Variants in CCDC93 observed in about 807,000 individuals in gnomAD.
CCDC93 encodes coiled-coil domain-containing protein 93.
A neutral mutation model predicts 108.2 loss-of-function variants in CCDC93; 61 were observed. That is an observed-to-expected ratio of 0.56 (90% CI 0.46 to 0.70). The LOEUF (loss-of-function observed/expected upper bound fraction) is 0.70, where lower values mean the gene tolerates loss of function less well. Ranked by LOEUF, CCDC93 falls within the 30% of genes least tolerant of loss-of-function variation. The pLI is 0.00. For synonymous variants in CCDC93, 276 were observed against 260.4 expected (o/e 1.06, Z -0.58); for missense variants, 685 against 764.2 (o/e 0.90, Z 1.22).
At chr2:117,945,603 T>C (rs1168782402) in intron 16 of CCDC93, 21 bp from the exon 17 acceptor site, 6 of 1,608,014 alleles carry the variant, frequency 3.7e-6, no homozygotes, top group Admixed American at 3.3e-5. Context: ...GAAAACATAA[T>C]AAACACCTCT....
At chr2:117,975,125 G>C in intron 9 of CCDC93, 63 bp downstream of exon 9, 2 of 1,415,422 alleles carry the variant, frequency 1.4e-6, no homozygotes, top group Admixed American at 1.7e-5. Flanking sequence ...CTAGGGATAA[G>C]AGTACGATTT....
intron 12 of CCDC93, among the ~76,000 whole-genome samples, chr2:117,953,565 T>C (rs1679126120): frequency 6.6e-6 from 1 of 152,152 alleles, no homozygotes; most frequent in Admixed American, 6.5e-5. Flanking sequence ...TGTTAGTGTC[T>C]GCCCCAAATT....
chr2:117,924,958 T>A (rs1200119687), intron 23 of CCDC93, among the ~76,000 whole-genome samples: 2 of 152,004 alleles, frequency 1.3e-5, no homozygotes, highest in East Asian at 1.9e-4. Flanking sequence ...CAGAAGAGAG[T>A]GGGGGCCAAT....
At chr2:117,932,644 C>T (rs931279164) in intron 22 of CCDC93, among the ~76,000 whole-genome samples, 1 of 152,174 alleles carries the variant, frequency 6.6e-6, no homozygotes, top group Non-Finnish European at 1.5e-5. Flanking sequence ...CCCAGAGTGG[C>T]CAGTCCCCTC....
chr2:117,938,903 A>T (rs1678607971), intron 20 of CCDC93, 126 bp downstream of exon 20: 2 of 580,796 alleles, frequency 3.4e-6, no homozygotes, highest in Non-Finnish European at 6.2e-6. Flanking sequence ...AGCACTTAGC[A>T]TATAAAATAG....
chr2:117,959,890 G>C (rs1383413559), intron 11 of CCDC93, among the ~76,000 whole-genome samples: 1 of 152,102 alleles, frequency 6.6e-6, no homozygotes, highest in Non-Finnish European at 1.5e-5. Flanking sequence ...ACAACTTGTA[G>C]TATGGAGAAG....
rs1195087852 is a variant in CCDC93, at chr2:117,919,033, C to G, written c.*1310G>C. 1 of 152,214 alleles carries G rather than the reference C, an allele frequency of 6.6e-6. No homozygotes were observed. Among genetic ancestry groups the G allele is most frequent in the Non-Finnish European group, 1.5e-5 (1 of 68,042 alleles). The allele number at this position is 152,214 out of a possible 1,614,324, so 9.4% of individuals were successfully genotyped here. Reference sequence around the variant, plus strand: ...TTTGTGTTACTGTGCAAACCTGCCACCTGGTATGTTTGCAAGATTTATGCA... The same window carrying G: ...TTTGTGTTACTGTGCAAACCTGCCAGCTGGTATGTTTGCAAGATTTATGCA... On this transcript the variant is annotated 3_prime_UTR_variant, in exon 24 of 24. Transcript: ENST00000376300.
At chr2:117,995,385 A>T in intron 6 of CCDC93, 61 bp downstream of exon 6, 1 of 1,291,988 alleles carries the variant, frequency 7.7e-7, no homozygotes, top group Admixed American at 1.7e-5. Flanking sequence ...TTTGTGATTT[A>T]ACAAAGGGCT....
At chr2:117,920,642 T>C (rs1274832229) in intron 23 of CCDC93, among the ~76,000 whole-genome samples, 1 of 152,186 alleles carries the variant, frequency 6.6e-6, no homozygotes, top group Non-Finnish European at 1.5e-5. Flanking sequence ...GGATAGGCAC[T>C]GTCATTCCAA....
chr2:117,998,058 G>C (rs1380059669), intron 4 of CCDC93: 1 of 152,216 alleles, frequency 6.6e-6, no homozygotes, highest in Non-Finnish European at 1.5e-5. Flanking sequence ...GGACAGCCTA[G>C]CTCTGCCACA....
At chr2:117,952,344 C>T in intron 13 of CCDC93, 29 bp downstream of exon 13, 1 of 1,486,024 alleles carries the variant, frequency 6.7e-7, no homozygotes, top group Non-Finnish European at 9.4e-7. Flanking sequence ...GACAAGGGCC[C>T]ACAGAAGAAG....
Position 117,941,202 on chromosome 2 carries a change from T to C in CCDC93, c.1509A>G (p.Glu503=). The change falls in exon 19 of 24, where the codon GAA becomes GAG. Residue 503 remains glutamate, a synonymous_variant. Coordinates refer to ENST00000376300, the MANE Select transcript of CCDC93 (RefSeq NM_019044.5). Reference sequence around the variant, plus strand: ...CAATGCACCTACTCTGGCGGTAGAGTTCAATAAATCTCTTCTGATACTGTA... The same window carrying C: ...CAATGCACCTACTCTGGCGGTAGAGCTCAATAAATCTCTTCTGATACTGTA... The part of the protein sequence containing the change: ...ELIQYQKRFI[E]LYRQISAVHK... The C allele has an allele frequency of 1.2e-6, 2 of 1,611,982 alleles. No homozygotes were observed.
At chr2:118,005,292 G>GA (rs1312843283) in intron 3 of CCDC93, among the ~76,000 whole-genome samples, 1 of 151,958 alleles carries the variant, frequency 6.6e-6, no homozygotes, top group African/African-American at 2.4e-5. Context: ...GGGAATTTAG[G>GA]AAAAAAGCAC....
At chr2:118,006,891 T>C in intron 2 of CCDC93, 75 bp from the exon 3 acceptor site, 1 of 864,800 alleles carries the variant, frequency 1.2e-6, no homozygotes. Context: ...GGTAGATGGA[T>C]TATAAATAGC....
chr2:118,001,007 C>G (rs1468588219), intron 3 of CCDC93, 75 bp from the exon 4 acceptor site: 5 of 877,094 alleles, frequency 5.7e-6, no homozygotes, highest in Non-Finnish European at 7.7e-6. Flanking sequence ...GTCTGGGCAG[C>G]ATCACAGACG....
chr2:117,951,591 AG>A lies in CCDC93; in HGVS notation c.1068+781del, dbSNP rs555679443. ...GAAGATCCTAGCTTCCAAATCGTCCAGGAAGTACGAGGTAGGGACCTTGCAG... is the reference window on the plus strand; with the variant it reads ...GAAGATCCTAGCTTCCAAATCGTCCAGAAGTACGAGGTAGGGACCTTGCAG... On this transcript the variant is annotated intron_variant, in intron 13 of 23. Transcript: ENST00000376300. The A allele has an allele frequency of 5.3e-4, 531 of 1,000,254 alleles. 10 individuals carry two copies. The highest frequency in any genetic ancestry group is 1.1e-4 in the East Asian group (1 of 8,822). 62.0% of individuals were successfully genotyped at this position (1,000,254 alleles called of 1,614,324 possible).
intron 13 of CCDC93, chr2:117,950,569 G>A: frequency 1.0e-6 from 1 of 985,376 alleles, no homozygotes; most frequent in Non-Finnish European, 1.2e-6. Context: ...GTGCCACTAG[G>A]TTATCCTGGA....
chr2:117,961,988 T>A (rs1488025947), intron 11 of CCDC93, among the ~76,000 whole-genome samples: 2 of 152,242 alleles, frequency 1.3e-5, no homozygotes, highest in East Asian at 3.8e-4. Context: ...TGGATTAAGA[T>A]GACTTCTAGT....
At position 117,938,555 on chromosome 2, in the gene CCDC93, GAAAA is replaced by G. The variant is rs36126432; in HGVS notation, c.1605+470_1605+473del. Among the ~76,000 whole-genome samples, 170 of 138,206 alleles carry G rather than the reference GAAAA, an allele frequency of 1.2e-3. 3 individuals are homozygous for G. Among genetic ancestry groups the G allele is most frequent in the African/African-American group, 4.4e-3 (162 of 37,148 alleles). 90.7% of individuals were successfully genotyped at this position (138,206 alleles called of 152,430 possible). A position where few individuals can be genotyped will look rare whatever the true frequency, so the allele number is the denominator to read the frequency against. ...TAATAATAAAAGAAAAAAAAGACAA[GAAAA>G]AAAAAAAAAAAAGACGAAGGGAGTG... On this transcript the variant is annotated intron_variant, in intron 20 of 23. Transcript: ENST00000376300.
Sources: allele counts gnomAD v4.1 joint callset (sites outside exome capture counted in the v4.1 genomes callset), GRCh38; gene constraint gnomAD v4.1.1; transcripts MANE v1.5; gene names NCBI Gene and HGNC (gene_info 2026-07-23, HGNC 2026-07-21).